Variants in PADI6 observed in about 807,000 individuals in gnomAD.
PADI6 encodes inactive protein-arginine deiminase type-6.
In PADI6, 66 loss-of-function variants were observed where a neutral mutation model predicts 78.2. The observed-to-expected ratio is 0.84, with a 90% confidence interval of 0.69 to 1.04. PADI6 has a LOEUF of 1.04. Among genes scored for constraint, PADI6 ranks in the 50% least tolerant of loss-of-function variants. The probability of loss-of-function intolerance (pLI) is 0.00; values close to 1 mark genes in which losing one functional copy is unlikely to be tolerated. For missense variants in PADI6, 854 were observed against 866.1 expected, an observed-to-expected ratio of 0.99 and a Z score of 0.18; for synonymous variants, 397 against 346.9, an observed-to-expected ratio of 1.14 and a Z score of -1.60.
chr1:17,396,637 CAG>C (rs1242701698), intron 13 of PADI6, among the ~76,000 whole-genome samples: 3 of 152,170 alleles, frequency 2.0e-5, no homozygotes, highest in South Asian at 2.1e-4. Context: ...ACTATCACCT[CAG>C]AGCTGGCAAA....
At chr1:17,389,523 C>T (rs1003004804) in intron 8 of PADI6, among the ~76,000 whole-genome samples, 1 of 152,198 alleles carries the variant, frequency 6.6e-6, no homozygotes, top group Non-Finnish European at 1.5e-5. Context: ...AAGATTTGGA[C>T]ACTGCAACCT....
chr1:17,382,305 A>G (rs2075080199), intron 6 of PADI6, among the ~76,000 whole-genome samples: 1 of 152,042 alleles, frequency 6.6e-6, no homozygotes, highest in Admixed American at 6.5e-5. Context: ...GAGTTATTGC[A>G]CCTCTAAGCC....
intron 3 of PADI6, among the ~76,000 whole-genome samples, chr1:17,376,017 C>T (rs2075012656): frequency 6.6e-6 from 1 of 151,046 alleles, no homozygotes; most frequent in African/African-American, 2.5e-5. Context: ...TACTGTCACT[C>T]AGGCTGGAGT....
intron 11 of PADI6, 35 bp downstream of exon 11, chr1:17,394,489 G>T: frequency 6.2e-7 from 1 of 1,603,472 alleles, no homozygotes; most frequent in South Asian, 1.1e-5. Flanking sequence ...CAAATGAAAG[G>T]AAGGGACCAT....
intron 6 of PADI6, 67 bp downstream of exon 6, chr1:17,382,159 C>A: frequency 1.3e-6 from 2 of 1,573,006 alleles, no homozygotes; most frequent in Non-Finnish European, 1.7e-6. Context: ...GTGCCCACAC[C>A]TCCTCCCAGC....
intron 2 of PADI6, among the ~76,000 whole-genome samples, chr1:17,373,624 T>A (rs2074986180): frequency 6.6e-6 from 1 of 152,050 alleles, no homozygotes; most frequent in African/African-American, 2.4e-5. Flanking sequence ...CCCGAGTAGC[T>A]GGGACTACAG....
intron 3 of PADI6, among the ~76,000 whole-genome samples, chr1:17,379,124 T>TGCCCAGGCTAGTCTCCAACTCCTGACC (rs2075047777): frequency 3.0e-5 from 4 of 134,730 alleles, no homozygotes; most frequent in African/African-American, 1.4e-4. Context: ...TTTTTTTTTT[T>TGCCCAGGCTAGTCTCCAACTCCTGACC]TTTTTTTTAA....
At chr1:17,390,780 A>G (rs760404276) in intron 8 of PADI6, among the ~76,000 whole-genome samples, 6 of 152,224 alleles carry the variant, frequency 3.9e-5, no homozygotes, top group East Asian at 1.9e-4. Context: ...TACAAAAGAC[A>G]TAAAGCAGAG....
chr1:17,376,497 T>C (rs1175591318), intron 3 of PADI6, among the ~76,000 whole-genome samples: 1 of 151,128 alleles, frequency 6.6e-6, no homozygotes, highest in Non-Finnish European at 1.5e-5. Context: ...GCTAATTTTT[T>C]TTATTTTTAG....
At position 17,401,293 on chromosome 1, in the gene PADI6, T is replaced by G; in HGVS notation, c.1940T>G (p.Ile647Ser). 1 of 1,614,054 alleles carries G rather than the reference T, an allele frequency of 6.2e-7. No individual in the cohort carries two copies. Among genetic ancestry groups the G allele is most frequent in the Non-Finnish European group, 8.5e-7 (1 of 1,179,904 alleles). ...GGGACCTGCTGCCTGGAAGAAAAGA[T>G]TTGCTGCTTGCTGGAGCCCCTGGGC... ...IKGTCCLEEKICCLLEPLGFK... is the reference protein window; with the variant it reads ...IKGTCCLEEKSCCLLEPLGFK... Residue 647 changes from isoleucine to serine, a missense_variant, in exon 16 of 16, where the codon ATT becomes AGT. Transcript: ENST00000619609.
At chr1:17,400,781 A>G (rs2075294079) in intron 15 of PADI6, among the ~76,000 whole-genome samples, 1 of 152,034 alleles carries the variant, frequency 6.6e-6, no homozygotes, top group Admixed American at 6.5e-5. Flanking sequence ...CCAATTGTAC[A>G]TGGGTGTCTT....
At chr1:17,379,874 A>G (rs1447977676) in intron 3 of PADI6, 46 bp from the exon 4 acceptor site, 1 of 1,571,126 alleles carries the variant, frequency 6.4e-7, no homozygotes, top group East Asian at 2.2e-5. Context: ...TTGAGGTTCC[A>G]TCTGGCAGGT....
intron 3 of PADI6, among the ~76,000 whole-genome samples, chr1:17,378,986 C>G (rs1159182280): frequency 6.6e-6 from 1 of 151,680 alleles, no homozygotes; most frequent in African/African-American, 2.4e-5. Context: ...GCTCTGTCAC[C>G]CAGGCTAGAG....
chr1:17,393,818 A>T (rs1017346412), intron 9 of PADI6, among the ~76,000 whole-genome samples, 157 bp from the exon 10 acceptor site: 1 of 152,092 alleles, frequency 6.6e-6, no homozygotes, highest in African/African-American at 2.4e-5. Context: ...GGAGAGAGGG[A>T]TCGGAGAGCC....
Position 17,379,111 on chromosome 1 carries a change from A to ATTTTTTTTTTTTTTTTTTTTTTTT in PADI6, c.368-788_368-787insTTTTTTTTTTTTTTTTTTTTTTTT, listed in dbSNP as rs144547124. On this transcript the variant is annotated intron_variant, in intron 3 of 15. Coordinates refer to ENST00000619609, the MANE Select transcript of PADI6 (RefSeq NM_207421.4). The stretch of plus-strand genomic sequence containing the variant: ...AGGTACCCTCCACCATGCCCAGTTA[A>ATTTTTTTTTTTTTTTTTTTTTTTT]TTTTTTTTTTTTTTTTTTTTTAAGA... Among the ~76,000 whole-genome samples the ATTTTTTTTTTTTTTTTTTTTTTTT allele has an allele frequency of 1.3e-4, 13 of 100,808 alleles. 2 individuals carry two copies. Among genetic ancestry groups the ATTTTTTTTTTTTTTTTTTTTTTTT allele is most frequent in the African/African-American group, 6.9e-4 (12 of 17,328 alleles). The allele number at this position is 100,808 out of a possible 152,430, so 66.1% of individuals were successfully genotyped here. A position where few individuals can be genotyped will look rare whatever the true frequency, so the allele number is the denominator to read the frequency against.
chr1:17,400,867 C>T (rs1372229334), intron 15 of PADI6, among the ~76,000 whole-genome samples: 1 of 152,086 alleles, frequency 6.6e-6, no homozygotes, highest in African/African-American at 2.4e-5. Flanking sequence ...AGTTGAGATA[C>T]AAAAGATGCG....
intron 14 of PADI6, 145 bp from the exon 15 acceptor site, chr1:17,398,541 G>C: frequency 1.7e-6 from 1 of 579,628 alleles, no homozygotes; most frequent in Admixed American, 2.8e-5. Context: ...TATGAAGTGT[G>C]AGGCTCCTGG....
chr1:17,389,910 A>G (rs2075165776), intron 8 of PADI6, among the ~76,000 whole-genome samples: 2 of 152,146 alleles, frequency 1.3e-5, no homozygotes, highest in African/African-American at 2.4e-5. Context: ...GTTGCCCTTT[A>G]TTGCAAATTC....
chr1:17,395,042 A>G lies in PADI6; in HGVS notation c.1429A>G (p.Met477Val), dbSNP rs761556429. 6.2e-7 allele frequency: 1 copy of G among 1,613,998 alleles called. No individual in the cohort carries two copies. The highest frequency in any genetic ancestry group is 8.5e-7 in the Non-Finnish European group (1 of 1,179,932). The change falls in exon 12 of 16, where the codon ATG becomes GTG. Residue 477 changes from methionine to valine, a missense_variant. Transcript: ENST00000619609. ...APVELYSDWL[M>V]TGHVDEFMCF... is the part of the protein sequence containing the mutation. Reference sequence around the variant, plus strand: ...GGTGGAGCTCTACTCAGATTGGCTAATGACTGGCCACGTGGATGAGTTCAT... The same window carrying G: ...GGTGGAGCTCTACTCAGATTGGCTAGTGACTGGCCACGTGGATGAGTTCAT...
Sources: allele counts gnomAD v4.1 joint callset (sites outside exome capture counted in the v4.1 genomes callset), GRCh38; gene constraint gnomAD v4.1.1; transcripts MANE v1.5; gene names NCBI Gene and HGNC (gene_info 2026-07-23, HGNC 2026-07-21).